Variants in SLC38A5 observed in about 807,000 individuals in gnomAD.
The protein encoded by SLC38A5 is sodium-coupled neutral amino acid transporter 5.
A neutral mutation model predicts 34.6 loss-of-function variants in SLC38A5; 9 were observed. The observed-to-expected ratio is 0.26, with a 90% CI of 0.16 to 0.45. The LOEUF is 0.45. SLC38A5 is among the 20% of genes least tolerant of loss of function. The pLI is 1.00. For synonymous variants in SLC38A5, 157 were observed against 155.6 expected (o/e 1.01, Z -0.07); for missense variants, 253 against 394.7 (o/e 0.64, Z 3.04).
rs2061413878 is a variant in SLC38A5 at position 48,458,625 on chromosome X, G to C, written c.*308C>G. 6 of 934,707 alleles carry C rather than the reference G, an allele frequency of 6.4e-6. No individual in the cohort carries two copies. In the South Asian group the frequency reaches 1.9e-4, roughly 29 times the overall value. The allele number at this position is 934,707 out of a possible 1,213,427, so 77.0% of individuals were successfully genotyped here. On this transcript the variant is annotated 3_prime_UTR_variant, in exon 17 of 17. Transcript: ENST00000620913. ...GCTTCAGCCAGGAGGAGGCAGAGAG[G>C]ACTGGGCTGGGCAAAGGCTCCACCA...
Position 48,459,874 on chromosome X carries a change from G to T in SLC38A5, c.1071C>A (p.Ile357=), listed in dbSNP as rs782408106. The part of the protein sequence containing the change: ...TLTVPVVLFP[I]RRALQQLLFP... Reference sequence around the variant, plus strand: ...AAAGCAGCTGCTGCAGGGCCCGGCGGATCTGTGGCCAGAGTAGGGTGGGAC... The same window carrying T: ...AAAGCAGCTGCTGCAGGGCCCGGCGTATCTGTGGCCAGAGTAGGGTGGGAC... The change falls in exon 15 of 17, where the codon ATC becomes ATA. Residue 357 remains isoleucine (I), a splice_region_variant and synonymous_variant. Transcript: ENST00000620913. 6.6e-6 allele frequency: 8 copies of T among 1,207,281 alleles called. No individual in the cohort carries two copies. In the South Asian group the frequency reaches 1.4e-4, roughly 22 times the overall value.
chrX:48,462,074 A>G lies in SLC38A5; in HGVS notation c.704T>C (p.Leu235Pro), dbSNP rs144665177. Residue 235 changes from leucine to proline, a missense_variant, in exon 11 of 17, where the codon CTC becomes CCC. By Grantham distance (98) the Leu-to-Pro change is moderately conservative (BLOSUM62 -3). Around this residue, in one of 3 missense-constraint regions of SLC38A5, gnomAD observed 176 missense variants for 273.0 expected, o/e 0.64. Transcript: ENST00000620913. ...HNETAMESEA[L>P]VGLPSQGLNS... ...GAGTCCTTGGCTGGGGAGTCCCACG[A>G]GAGCTTCACTCTCCATTGCTGTTTC... 2.7e-5 allele frequency: 31 copies of G among 1,167,111 alleles called. No homozygotes were observed. The highest frequency in any genetic ancestry group is 4.8e-4 in the Middle Eastern group (2 of 4,174).
At chrX:48,464,336 A>G (rs1265321725) in intron 8 of SLC38A5, among the ~76,000 whole-genome samples, 2 of 112,719 alleles carry the variant, frequency 1.8e-5, no homozygotes, top group Non-Finnish European at 3.7e-5. Context: ...AGACATTCAC[A>G]TGGTCTCTTT....
rs781821469 is a variant in SLC38A5 at position 48,466,423 on chromosome X, C to T, written c.320-101G>A. The T allele has an allele frequency of 4.1e-4, 340 of 820,766 alleles. 2 individuals carry two copies. The Middle Eastern group carries it at 9.0e-3, about 22-fold the overall frequency. The allele number at this position is 820,766 out of a possible 1,213,427, so 67.6% of individuals were successfully genotyped here. Reference sequence around the variant, plus strand: ...CTGGGGAGTTGGGGCTTGGGGGAACCGGCTTTGACTGATGGAGGATGAAGG... The same window carrying T: ...CTGGGGAGTTGGGGCTTGGGGGAACTGGCTTTGACTGATGGAGGATGAAGG... On this transcript the variant is annotated intron_variant, in intron 6 of 16. Transcript: ENST00000620913.
Position 48,467,018 on chromosome X carries a change from G to T in SLC38A5, c.189C>A (p.Gly63=). 1.7e-6 allele frequency: 2 copies of T among 1,212,045 alleles called. No homozygotes were observed. Among genetic ancestry groups the T allele is most frequent in the Non-Finnish European group, 2.2e-6 (2 of 895,541 alleles). ...SVFNLSNAIM[G]SGILGLAYAM... is the part of the protein sequence containing the mutation. The stretch of plus-strand genomic sequence containing the variant: ...CATAGGCCAGCCCCAGGATGCCGCT[G>T]CCCATGATGGCGTTGCTGAGGTTGA... The change falls in exon 5 of 17, where the codon GGC becomes GGA. Residue 63 remains glycine (G), a synonymous_variant. Transcript: ENST00000620913.
At chrX:48,463,031 C>G (rs2061445388) in intron 8 of SLC38A5, 51 bp from the exon 9 acceptor site, 1 of 983,843 alleles carries the variant, frequency 1.0e-6, no homozygotes, top group African/African-American at 1.9e-5. Context: ...AGGAAACTGT[C>G]AGGCAGACAC....
At chrX:48,460,036 T>C (rs909322) in intron 14 of SLC38A5, among the ~76,000 whole-genome samples, 160 bp from the exon 15 acceptor site, 41,019 of 110,165 alleles carry the variant, frequency 0.37, 6,013 homozygotes, top group Non-Finnish European at 0.45. Flanking sequence ...TCTGTGTCTC[T>C]ATGTTCTGAA....
At position 48,462,983 on chromosome X, in the gene SLC38A5, A is replaced by G; in HGVS notation, c.492-3T>C. On this transcript the variant is annotated splice_region_variant and splice_polypyrimidine_tract_variant and intron_variant, in intron 8 of 16. Coordinates refer to ENST00000620913, the MANE Select transcript of SLC38A5 (RefSeq NM_033518.4). ...GGTTTCCCTTCAAGAACCAGTCCCTAGAGAGACAGGAAGACACAGTGCCTA... is the reference window on the plus strand; with the variant it reads ...GGTTTCCCTTCAAGAACCAGTCCCTGGAGAGACAGGAAGACACAGTGCCTA... The G allele has an allele frequency of 8.4e-7, 1 of 1,192,788 alleles. No homozygotes were observed. The highest frequency in any genetic ancestry group is 1.1e-6 in the Non-Finnish European group (1 of 882,538).
In SLC38A5 at chrX:48,459,804, G is replaced by A. The variant is rs1259626762; in HGVS notation, c.1141C>T (p.Leu381=). The A allele has an allele frequency of 1.7e-6, 2 of 1,210,022 alleles. No individual in the cohort carries two copies. Among genetic ancestry groups the A allele is most frequent in the African/African-American group, 3.5e-5 (2 of 57,227 alleles). ...ACATTGACCAAAACAAGCAGGATCA[G>A]AGCTATGGCCACATGTCGTGGCCAG... ...FSWPRHVAIA[L]ILLVLVNVLV... Residue 381 remains leucine, a synonymous_variant, in exon 15 of 17, where the codon CTG becomes TTG. Coordinates refer to ENST00000620913, the MANE Select transcript of SLC38A5 (RefSeq NM_033518.4).
At chrX:48,463,857 A>G (rs370732386) in intron 8 of SLC38A5, among the ~76,000 whole-genome samples, 44 of 34,543 alleles carry the variant, frequency 1.3e-3, no homozygotes, top group African/African-American at 4.5e-3. Context: ...AAGAGAGAGA[A>G]AGAAAGAAAG....
At chrX:48,465,492 C>G (rs902042587) in intron 8 of SLC38A5, among the ~76,000 whole-genome samples, 1 of 112,012 alleles carries the variant, frequency 8.9e-6, no homozygotes, top group Non-Finnish European at 1.9e-5. Context: ...CACAGCTAGA[C>G]GGAGTCAGTG....
Position 48,467,093 on chromosome X carries a change from A to G in SLC38A5, c.130-16T>C. On this transcript the variant is annotated splice_polypyrimidine_tract_variant and intron_variant, in intron 4 of 16. Coordinates refer to ENST00000620913, the MANE Select transcript of SLC38A5 (RefSeq NM_033518.4). ...TCCCCTCGAACTGCACGCAAGGAGC[A>G]AAGCCCGGGCACACATTGGGACAGG... 1 of 1,184,793 alleles carries G rather than the reference A, an allele frequency of 8.4e-7. No homozygotes were observed.
In SLC38A5 at chrX:48,466,815, G is replaced by T; in HGVS notation, c.303C>A (p.Thr101=). The change falls in exon 6 of 17, where the codon ACC becomes ACA. Residue 101 remains threonine (T), a synonymous_variant. Coordinates refer to ENST00000620913, the MANE Select transcript of SLC38A5 (RefSeq NM_033518.4). ...GGGTCTCACCTGCAATACCAGCACAGGTCAGCAGGAGGTGGATGGAGTAGG... is the reference window on the plus strand; with the variant it reads ...GGGTCTCACCTGCAATACCAGCACATGTCAGCAGGAGGTGGATGGAGTAGG... ...LSSYSIHLLL[T]CAGIAGIRAY... is the part of the protein sequence containing the mutation. 1 of 1,203,825 alleles carries T rather than the reference G, an allele frequency of 8.3e-7. No individual in the cohort carries two copies.
At chrX:48,460,562 C>T in intron 14 of SLC38A5, 87 bp downstream of exon 14, 1 of 927,935 alleles carries the variant, frequency 1.1e-6, no homozygotes, top group Non-Finnish European at 1.5e-6. Context: ...CATCCATCCA[C>T]TCCTGTTTCC....
In SLC38A5 at chrX:48,462,811, A is replaced by C. The variant is rs782174703; in HGVS notation, c.574+87T>G. 47 of 715,514 alleles carry C rather than the reference A, an allele frequency of 6.6e-5. No homozygotes were observed. The East Asian group carries it at 1.4e-3, about 22-fold the overall frequency. The allele number at this position is 715,514 out of a possible 1,213,427, so 59.0% of individuals were successfully genotyped here. ...AATAAGCTCTCTCCTAGTGTGCTGC[A>C]GCCCTTGAAAATGAATGGGGGTTTT... On this transcript the variant is annotated intron_variant, in intron 9 of 16. Coordinates refer to ENST00000620913, the MANE Select transcript of SLC38A5 (RefSeq NM_033518.4).
intron 4 of SLC38A5, chrX:48,467,413 G>A (rs2061485903): frequency 2.4e-6 from 1 of 420,156 alleles, no homozygotes; most frequent in African/African-American, 2.5e-5. Context: ...GGGGAGTGCT[G>A]GAGGAGGAAG....
intron 2 of SLC38A5, chrX:48,468,631 T>C: frequency 5.8e-6 from 1 of 173,511 alleles, no homozygotes. Context: ...ACCGAGCCCC[T>C]TCCCAGGGAC....
chrX:48,460,629 C>T lies in SLC38A5; in HGVS notation c.1068+20G>A. ...TCTACCCATCCATCCATGTCCCTCT[C>T]AGCCGTGGGCCCCACGCACAGGGAA... On this transcript the variant is annotated intron_variant, in intron 14 of 16. Transcript: ENST00000620913. The T allele has an allele frequency of 4.2e-6, 5 of 1,202,664 alleles. No homozygotes were observed. The highest frequency in any genetic ancestry group is 2.2e-5 in the Admixed American group (1 of 45,983).
chrX:48,467,448 C>T, intron 4 of SLC38A5: 2 of 421,065 alleles, frequency 4.7e-6, no homozygotes, highest in Non-Finnish European at 4.1e-6. Context: ...AAAGGCAGGC[C>T]GGGAGGGGAG....
Sources: allele counts gnomAD v4.1 joint callset (sites outside exome capture counted in the v4.1 genomes callset), GRCh38; gene constraint gnomAD v4.1.1; regional missense constraint gnomAD v4.1.1; transcripts MANE v1.5; gene names NCBI Gene and HGNC (gene_info 2026-07-23, HGNC 2026-07-21).